The following ESCO1 variants were observed in gnomAD, a reference collection of about 807,000 sequenced individuals.
The protein encoded by ESCO1 is N-acetyltransferase ESCO1.
In ESCO1, 33 loss-of-function variants were observed where a neutral mutation model predicts 83.5. The observed-to-expected ratio is 0.40, with a 90% confidence interval of 0.30 to 0.53. ESCO1 has a LOEUF of 0.53. Among genes scored for constraint, ESCO1 ranks in the 20% least tolerant of loss-of-function variants. The pLI, the probability that ESCO1 is intolerant of heterozygous loss-of-function variation, is 0.63. For missense variants in ESCO1, 855 were observed against 968.0 expected (o/e 0.88, Z 1.55); for synonymous variants, 332 against 324.3 (o/e 1.02, Z -0.25).
chr18:21,574,453 C>A lies in ESCO1; in HGVS notation c.391G>T (p.Val131Phe). 6.2e-7 allele frequency: 1 copy of A among 1,614,118 alleles called. No homozygotes were observed. Among genetic ancestry groups the A allele is most frequent in the Non-Finnish European group, 8.5e-7 (1 of 1,180,018 alleles). ...CTACTGCGTAACGACCTTCTTGAAA[C>A]CTCTGTTAATTGTTGTAGCCTTTGT... The part of the protein sequence containing the change: ...RSQRLQQLTE[V>F]SRRSLRSREI... Residue 131 changes from valine (V) to phenylalanine (F), a missense_variant, in exon 4 of 12, where the codon GTT (valine) becomes TTT (phenylalanine). By Grantham distance (50) the Val-to-Phe change is conservative. This residue lies in a region of ESCO1 where 726 missense variants were observed against 699.5 expected (regional missense o/e 1.04). Coordinates refer to ENST00000269214, the MANE Select transcript of ESCO1 (RefSeq NM_052911.3).
chr18:21,535,847 C>G (rs2037830299), intron 10 of ESCO1, among the ~76,000 whole-genome samples, 195 bp downstream of exon 10: 1 of 152,208 alleles, frequency 6.6e-6, no homozygotes, highest in African/African-American at 2.4e-5. Flanking sequence ...GAATTTTTAT[C>G]TTACTGACTT....
chr18:21,574,495 G>T lies in ESCO1; in HGVS notation c.349C>A (p.Gln117Lys). 1 of 1,614,022 alleles carries T rather than the reference G, an allele frequency of 6.2e-7. No homozygotes were observed. The highest frequency in any genetic ancestry group is 8.5e-7 in the Non-Finnish European group (1 of 1,180,010). The change falls in exon 4 of 12, where the codon CAG becomes AAG. Residue 117 changes from glutamine to lysine, a missense_variant. Physicochemically the swap from Gln to Lys is moderately conservative, Grantham distance 53. Transcript: ENST00000269214. ...LVHENPKANE[Q>K]LNRRSQRLQQ... ...AGCCTTTGTGATCTCCGGTTAAGCT[G>T]TTCATTTGCTTTAGGGTTTTCATGT...
chr18:21,597,236 T>C (rs2038779829), intron 1 of ESCO1, among the ~76,000 whole-genome samples: 2 of 152,188 alleles, frequency 1.3e-5, no homozygotes, highest in Non-Finnish European at 1.5e-5. Flanking sequence ...GAAACATATA[T>C]AGCAACAGAT....
intron 8 of ESCO1, among the ~76,000 whole-genome samples, chr18:21,543,623 A>G (rs1190708951): frequency 6.6e-6 from 1 of 152,106 alleles, no homozygotes; most frequent in Non-Finnish European, 1.5e-5. Flanking sequence ...ATTTAATTGT[A>G]TAAATAATAC....
chr18:21,573,235 C>T (rs2038364212), intron 4 of ESCO1, 79 bp downstream of exon 4: 1 of 1,353,950 alleles, frequency 7.4e-7, no homozygotes, highest in Admixed American at 2.5e-5. Flanking sequence ...TGACTTCATT[C>T]TTATGCTAAA....
intron 8 of ESCO1, among the ~76,000 whole-genome samples, chr18:21,553,227 A>ATAG (rs147852490): frequency 0.024 from 3,611 of 152,236 alleles, 148 homozygotes; most frequent in African/African-American, 0.083. Context: ...GAGGTCAAGG[A>ATAG]TAGAGTGAGC....
intron 1 of ESCO1, among the ~76,000 whole-genome samples, chr18:21,584,990 A>C (rs1010425111): frequency 3.3e-5 from 5 of 151,974 alleles, no homozygotes; most frequent in Non-Finnish European, 7.4e-5. Flanking sequence ...AAAAATACAA[A>C]AATTAGCCAG....
At chr18:21,594,625 A>G (rs529492575) in intron 1 of ESCO1, among the ~76,000 whole-genome samples, 120 of 151,654 alleles carry the variant, frequency 7.9e-4, no homozygotes, top group Middle Eastern at 3.4e-3. Context: ...AATGGTGTGA[A>G]CCCAGGAGGC....
intron 1 of ESCO1, among the ~76,000 whole-genome samples, chr18:21,591,071 T>C (rs1360114497): frequency 6.6e-6 from 1 of 152,160 alleles, no homozygotes; most frequent in African/African-American, 2.4e-5. Flanking sequence ...GAATTAGGGA[T>C]TGTGAATGTA....
intron 9 of ESCO1, 77 bp from the exon 10 acceptor site, chr18:21,536,262 A>G: frequency 1.4e-6 from 2 of 1,468,672 alleles, no homozygotes; most frequent in Non-Finnish European, 1.8e-6. Flanking sequence ...TCAGTTCAGT[A>G]GATCAACTTT....
At chr18:21,550,204 G>C (rs2038028418) in intron 8 of ESCO1, among the ~76,000 whole-genome samples, 1 of 152,158 alleles carries the variant, frequency 6.6e-6, no homozygotes, top group East Asian at 1.9e-4. Context: ...GCCTGCAACA[G>C]AGAACAAGAA....
intron 8 of ESCO1, among the ~76,000 whole-genome samples, chr18:21,554,500 C>A (rs1459700557): frequency 6.6e-6 from 1 of 152,136 alleles, no homozygotes; most frequent in Non-Finnish European, 1.5e-5. Context: ...AGCTCAGTGG[C>A]TCATGCCTAT....
chr18:21,591,511 C>T (rs575797928), intron 1 of ESCO1, among the ~76,000 whole-genome samples: 1 of 152,310 alleles, frequency 6.6e-6, no homozygotes, highest in Non-Finnish European at 1.5e-5. Flanking sequence ...CTTTACACAT[C>T]TCTTTTAAGG....
rs200197447 is a variant in ESCO1, at chr18:21,530,310, G to T, written c.*33C>A. 2,373 of 1,513,082 alleles carry T rather than the reference G, an allele frequency of 1.6e-3. 5 individuals carry two copies. The highest frequency in any genetic ancestry group is 2.0e-3 in the Non-Finnish European group (2,274 of 1,131,392). 93.7% of individuals were successfully genotyped at this position (1,513,082 alleles called of 1,614,324 possible). On this transcript the variant is annotated 3_prime_UTR_variant, in exon 12 of 12. Coordinates refer to ENST00000269214, the MANE Select transcript of ESCO1 (RefSeq NM_052911.3). ...AGCAACCAATCCATTCTCTTCAATA[G>T]ATGTCTTCTAGTGGTGTAGGCAAGA...
intron 7 of ESCO1, among the ~76,000 whole-genome samples, chr18:21,561,755 G>C (rs2038188973): frequency 6.6e-6 from 1 of 151,718 alleles, no homozygotes; most frequent in Non-Finnish European, 1.5e-5. Context: ...ATTTTTTGCA[G>C]AGAGAGAATT....
chr18:21,569,109 T>C (rs2038302712), intron 4 of ESCO1, among the ~76,000 whole-genome samples: 1 of 152,210 alleles, frequency 6.6e-6, no homozygotes, highest in Non-Finnish European at 1.5e-5. Flanking sequence ...TTCCCAATCT[T>C]CTCTAGCTGT....
At chr18:21,590,123 G>A (rs981215804) in intron 1 of ESCO1, among the ~76,000 whole-genome samples, 3 of 146,666 alleles carry the variant, frequency 2.0e-5, no homozygotes, top group East Asian at 4.2e-4. Context: ...CACTGCGTCC[G>A]GCCGCAAGTC....
chr18:21,591,177 T>C (rs1286522286), intron 1 of ESCO1, among the ~76,000 whole-genome samples: 1 of 152,146 alleles, frequency 6.6e-6, no homozygotes, highest in Non-Finnish European at 1.5e-5. Flanking sequence ...CTAAATCCAA[T>C]AACAAATATC....
intron 4 of ESCO1, among the ~76,000 whole-genome samples, chr18:21,568,677 C>T (rs964131556): frequency 2.0e-5 from 3 of 152,056 alleles, no homozygotes; most frequent in African/African-American, 7.2e-5. Flanking sequence ...CCGAGACGGG[C>T]GGATCACTTG....
Sources: allele counts gnomAD v4.1 joint callset (sites outside exome capture counted in the v4.1 genomes callset), GRCh38; gene constraint gnomAD v4.1.1; regional missense constraint gnomAD v4.1.1; transcripts MANE v1.5; gene names NCBI Gene and HGNC (gene_info 2026-07-23, HGNC 2026-07-21).